The following MACROD1 variants were observed in gnomAD, a reference collection of about 807,000 sequenced individuals.
The protein encoded by MACROD1 is mono-ADP ribosylhydrolase 1, also known as ADP-ribose glycohydrolase MACROD1.
In MACROD1, 31 loss-of-function variants were observed where a neutral mutation model predicts 41.4. The ratio of observed to expected loss-of-function variants is 0.75; its 90% CI spans 0.56 to 1.01. The LOEUF (loss-of-function observed/expected upper bound fraction) is 1.01. Among genes scored for constraint, MACROD1 ranks in the 50% least tolerant of loss-of-function variants. MACROD1 has a pLI of 0.00. For synonymous variants in MACROD1, 252 were observed against 203.4 expected, an observed-to-expected ratio of 1.24 and a Z score of -2.03; for missense variants, 473 against 460.0, an observed-to-expected ratio of 1.03 and a Z score of -0.26.
chr11:63,999,709 G>T lies in MACROD1; in HGVS notation c.719C>A (p.Ala240Asp). ...CAGGTAGCAGCTGCGGAGCTCGGCA[G>T]CCTGACTGGCGCTGGGCTCCCCGTA... ...IAYGEPSASQ[A>D]AELRSCYLSS... The change falls in exon 6 of 11, where the codon GCT becomes GAT. Residue 240 changes from alanine to aspartate, a missense_variant. Ala to Asp is a moderately radical substitution (Grantham distance 126). Transcript: ENST00000255681. 1 of 1,608,918 alleles carries T rather than the reference G, an allele frequency of 6.2e-7. No homozygotes were observed.
intron 4 of MACROD1, among the ~76,000 whole-genome samples, chr11:64,008,654 C>G (rs1239369264): frequency 6.6e-6 from 1 of 152,160 alleles, no homozygotes; most frequent in Non-Finnish European, 1.5e-5. Flanking sequence ...GTGTAGGAGA[C>G]ACACACACGG....
intron 3 of MACROD1, among the ~76,000 whole-genome samples, chr11:64,018,355 T>C (rs1277610744): frequency 1.3e-5 from 2 of 152,174 alleles, no homozygotes; most frequent in Non-Finnish European, 2.9e-5. Context: ...CTCCTTTCCC[T>C]GGGCCCCCGT....
chr11:64,026,788 G>A (rs1413128270), intron 3 of MACROD1, among the ~76,000 whole-genome samples: 5 of 151,902 alleles, frequency 3.3e-5, no homozygotes, highest in East Asian at 3.9e-4. Flanking sequence ...TTGCACATAC[G>A]TTTCCCTCTG....
At chr11:63,999,137 G>T in intron 8 of MACROD1, 101 bp from the exon 9 acceptor site, 1 of 1,346,214 alleles carries the variant, frequency 7.4e-7, no homozygotes, top group Non-Finnish European at 1.0e-6. Context: ...CTGGCCCTGC[G>T]CCCTTCACGG....
chr11:64,113,884 ATGGATGGAT>A (rs1944913407), intron 3 of MACROD1, among the ~76,000 whole-genome samples: 2 of 146,668 alleles, frequency 1.4e-5, no homozygotes, highest in Non-Finnish European at 3.0e-5. Flanking sequence ...GGATGGATGG[ATGGATGGAT>A]GGATGGATGG....
chr11:64,050,984 C>T (rs976580518), intron 3 of MACROD1, among the ~76,000 whole-genome samples: 1 of 152,220 alleles, frequency 6.6e-6, no homozygotes, highest in Non-Finnish European at 1.5e-5. Context: ...GTCCCCTGAG[C>T]CCCACTCCTG....
rs150666149 is a variant in MACROD1 at position 64,096,815 on chromosome 11, C to T, written c.517+54424G>A. Among the ~76,000 whole-genome samples, 379 of 152,298 alleles carry T rather than the reference C, an allele frequency of 2.5e-3. No homozygotes were observed. Among genetic ancestry groups the T allele is most frequent in the South Asian group, 8.9e-3 (43 of 4,826 alleles). On this transcript the variant is annotated intron_variant, in intron 3 of 10. Coordinates refer to ENST00000255681, the MANE Select transcript of MACROD1 (RefSeq NM_014067.4). The surrounding 1 kb of genome is among the most constrained non-coding windows in gnomAD (Gnocchi z 4.6). ...AGAGGGCAGGCCTGTGGGGGGCTGCCGTGTCCCCATACCCTCCAAGCACAC... is the reference window on the plus strand; with the variant it reads ...AGAGGGCAGGCCTGTGGGGGGCTGCTGTGTCCCCATACCCTCCAAGCACAC...
chr11:64,152,540 G>A (rs1255462037), intron 1 of MACROD1, 147 bp from the exon 2 acceptor site: 3 of 635,146 alleles, frequency 4.7e-6, no homozygotes, highest in Non-Finnish European at 5.7e-6. Flanking sequence ...AGGCATGCTG[G>A]GGAAACCTCA....
chr11:64,012,176 C>G (rs1419462471), intron 4 of MACROD1, among the ~76,000 whole-genome samples: 1 of 152,086 alleles, frequency 6.6e-6, no homozygotes, highest in Non-Finnish European at 1.5e-5. Flanking sequence ...CTGTGCCAGC[C>G]GCTCCGCACC....
At chr11:64,127,065 A>C (rs1945194408) in intron 3 of MACROD1, 1 of 152,238 alleles carries the variant, frequency 6.6e-6, no homozygotes, top group Admixed American at 6.5e-5. Context: ...AAGGGTTTCC[A>C]GAAAACCGAG....
intron 3 of MACROD1, among the ~76,000 whole-genome samples, chr11:64,149,821 G>A (rs1945548577): frequency 6.6e-6 from 1 of 152,354 alleles, no homozygotes; most frequent in African/African-American, 2.4e-5. Context: ...CTGGGCACAG[G>A]CAGCAAGAAC....
At chr11:64,061,196 CCCCCGCTTCTAA>C (rs1180170519) in intron 3 of MACROD1, among the ~76,000 whole-genome samples, 1 of 152,226 alleles carries the variant, frequency 6.6e-6, no homozygotes, top group Non-Finnish European at 1.5e-5. Flanking sequence ...GTAAATAAGT[CCCCCGCTTCTAA>C]CCCCTGTAAT....
chr11:64,154,255 C>T (rs914879594), intron 1 of MACROD1, among the ~76,000 whole-genome samples: 4 of 152,176 alleles, frequency 2.6e-5, no homozygotes, highest in East Asian at 1.9e-4. Context: ...CAAAACAGAA[C>T]GTTTGACTCT....
At chr11:64,018,286 T>TG (rs1276896489) in intron 3 of MACROD1, among the ~76,000 whole-genome samples, 3 of 151,794 alleles carry the variant, frequency 2.0e-5, no homozygotes, top group African/African-American at 2.4e-5. Flanking sequence ...GTCCCACGGG[T>TG]GGGGGGGCTC....
At position 64,122,807 on chromosome 11, in the gene MACROD1, G is replaced by A. The variant is rs1945119469; in HGVS notation, c.517+28432C>T. Among the ~76,000 whole-genome samples the A allele has an allele frequency of 6.6e-6, 1 of 152,130 alleles. No homozygotes were observed. The highest frequency in any genetic ancestry group is 1.5e-5 in the Non-Finnish European group (1 of 68,018). On this transcript the variant is annotated intron_variant, in intron 3 of 10. Coordinates refer to ENST00000255681, the MANE Select transcript of MACROD1 (RefSeq NM_014067.4). This position sits in a 1 kb window ranked among gnomAD's most constrained non-coding sequence, Gnocchi z 4.0. ...TGAGGGATCCCTGAAGGGTTGGAGG[G>A]GCTGGTCAGGGCCTGAGCAGAGGAC...
At chr11:64,104,036 AG>A (rs1362425365) in intron 3 of MACROD1, 2 of 152,292 alleles carry the variant, frequency 1.3e-5, no homozygotes, top group African/African-American at 4.8e-5. Flanking sequence ...TAGTGGTGCA[AG>A]GCCTGGTAGG....
intron 3 of MACROD1, among the ~76,000 whole-genome samples, chr11:64,048,819 CCCA>C (rs1943635519): frequency 6.6e-6 from 1 of 152,298 alleles, no homozygotes; most frequent in South Asian, 2.1e-4. Flanking sequence ...GGCTGCTATC[CCCA>C]CCAAGCACCC....
At chr11:64,110,163 C>T (rs1174344600) in intron 3 of MACROD1, among the ~76,000 whole-genome samples, 1 of 152,106 alleles carries the variant, frequency 6.6e-6, no homozygotes, top group Non-Finnish European at 1.5e-5. Context: ...AATAACACAG[C>T]CTGAGGCCCG....
At chr11:64,160,268 A>G (rs1427847385) in intron 1 of MACROD1, among the ~76,000 whole-genome samples, 3 of 152,288 alleles carry the variant, frequency 2.0e-5, no homozygotes, top group Admixed American at 6.5e-5. Flanking sequence ...TTTGGCTTCC[A>G]TGAGGCTTTC....
Sources: gnomAD v4.1 joint callset for allele counts (sites outside exome capture counted in the v4.1 genomes callset) on GRCh38, gnomAD v4.1.1 for gene constraint, Gnocchi (gnomAD v3.1) non-coding constraint, MANE v1.5 for transcripts, NCBI Gene and HGNC (gene_info 2026-07-23, HGNC 2026-07-21) for gene names.